SLC16A2: variants seen among roughly 807,000 people sequenced by gnomAD.
SLC16A2 encodes solute carrier family 16 member 2.
In SLC16A2, 3 loss-of-function variants were observed where a neutral mutation model predicts 27.2. That is an observed-to-expected ratio of 0.11 (90% CI 0.05 to 0.28). The LOEUF is 0.28. Ranked by LOEUF, SLC16A2 falls within the 10% of genes least tolerant of loss-of-function variation. The pLI is 1.00. For synonymous variants in SLC16A2, 202 were observed against 187.8 expected (o/e 1.08, Z -0.62); for missense variants, 295 against 458.5 (o/e 0.64, Z 3.26).
chrX:74,457,237 G>A (rs1465627352), intron 1 of SLC16A2, among the ~76,000 whole-genome samples: 1 of 111,580 alleles, frequency 9.0e-6, no homozygotes, highest in Non-Finnish European at 1.9e-5. Flanking sequence ...GTGCAGGTTT[G>A]TTACATATGT....
rs1297616224 is a variant in SLC16A2 at position 74,532,529 on chromosome X, G to A, written c.*976G>A. On this transcript the variant is annotated 3_prime_UTR_variant, in exon 6 of 6. Transcript: ENST00000587091. The stretch of plus-strand genomic sequence containing the variant: ...GAAGAAACTCCTTTCATCTCAGCAG[G>A]TAGAGGAGGACTGATGACACGAGCT... 9.0e-6 allele frequency: 1 copy of A among 111,608 alleles called. No homozygotes were observed. Among genetic ancestry groups the A allele is most frequent in the African/African-American group, 3.3e-5 (1 of 30,398 alleles). 9.2% of individuals were successfully genotyped at this position (111,608 alleles called of 1,213,427 possible).
intron 1 of SLC16A2, among the ~76,000 whole-genome samples, chrX:74,478,927 C>A (rs980318184): frequency 9.0e-6 from 1 of 111,370 alleles, no homozygotes; most frequent in Non-Finnish European, 1.9e-5. Context: ...TTTTTTCCTT[C>A]ATTTCAACTT....
intron 1 of SLC16A2, among the ~76,000 whole-genome samples, chrX:74,450,221 C>T (rs1051837140): frequency 2.1e-4 from 24 of 112,602 alleles, no homozygotes; most frequent in Non-Finnish European, 4.3e-4. Context: ...CAGGGCCTAG[C>T]ACAAGGGCTG....
intron 1 of SLC16A2, among the ~76,000 whole-genome samples, chrX:74,464,819 G>C (rs1303489754): frequency 9.0e-6 from 1 of 111,298 alleles, no homozygotes; most frequent in Admixed American, 9.6e-5. Flanking sequence ...AGGAATTTGA[G>C]ACCAGTGTGG....
intron 1 of SLC16A2, among the ~76,000 whole-genome samples, chrX:74,493,850 G>A (rs1179307374): frequency 1.8e-5 from 2 of 111,403 alleles, no homozygotes; most frequent in African/African-American, 3.3e-5. Context: ...AGTAAACCAC[G>A]GAAAGTGGGG....
Position 74,525,780 on chromosome X carries a change from A to G in SLC16A2, c.1057A>G (p.Ile353Val). ...MKYVEEEFSE[I>V]KETWVLLVCI... ...GTATGTGGAGGAGGAGTTCTCAGAAATCAAGGAGACCTGGGTGCTCTTGGT... is the reference window on the plus strand; with the variant it reads ...GTATGTGGAGGAGGAGTTCTCAGAAGTCAAGGAGACCTGGGTGCTCTTGGT... The change falls in exon 4 of 6, where the codon ATC becomes GTC. Residue 353 changes from isoleucine (I) to valine (V), a missense_variant. Coordinates refer to ENST00000587091, the MANE Select transcript of SLC16A2 (RefSeq NM_006517.5). 8.3e-7 allele frequency: 1 copy of G among 1,211,546 alleles called. No homozygotes were observed. The highest frequency in any genetic ancestry group is 1.1e-6 in the Non-Finnish European group (1 of 895,381).
rs145500980 is a variant in SLC16A2 at position 74,516,802 on chromosome X, T to C, written c.431-4188T>C. Among the ~76,000 whole-genome samples the C allele has an allele frequency of 1.4e-4, 16 of 111,429 alleles. No homozygotes were observed. The East Asian group carries it at 3.7e-3, about 25-fold the overall frequency. ...TTACATCAAATGTAAACGATCTAAATATATCAGTTCAAAGACAGAGATTGG... is the reference window on the plus strand; with the variant it reads ...TTACATCAAATGTAAACGATCTAAACATATCAGTTCAAAGACAGAGATTGG... On this transcript the variant is annotated intron_variant, in intron 1 of 5. Coordinates refer to ENST00000587091, the MANE Select transcript of SLC16A2 (RefSeq NM_006517.5).
chrX:74,484,512 G>A (rs1420635085), intron 1 of SLC16A2, among the ~76,000 whole-genome samples: 2 of 111,452 alleles, frequency 1.8e-5, no homozygotes, highest in African/African-American at 3.3e-5. Flanking sequence ...GTTGTAAAAT[G>A]TTTCTTATCG....
chrX:74,495,810 G>A (rs1159932435), intron 1 of SLC16A2, among the ~76,000 whole-genome samples: 1 of 111,069 alleles, frequency 9.0e-6, no homozygotes, highest in African/African-American at 3.3e-5. Context: ...TCCTCTGGCC[G>A]AGGCCCTTGT....
chrX:74,473,132 T>A (rs1163439596), intron 1 of SLC16A2: 9 of 580,960 alleles, frequency 1.5e-5, no homozygotes, highest in African/African-American at 4.4e-5. Context: ...AGCTTCTGAC[T>A]CCAAAGTTTC....
chrX:74,452,092 G>T (rs1317642161), intron 1 of SLC16A2, among the ~76,000 whole-genome samples: 1 of 112,636 alleles, frequency 8.9e-6, no homozygotes, highest in Non-Finnish European at 1.9e-5. Flanking sequence ...ATAGGGAAAT[G>T]ATGATAATAG....
At chrX:74,520,309 A>C (rs1386929242) in intron 1 of SLC16A2, among the ~76,000 whole-genome samples, 2 of 112,381 alleles carry the variant, frequency 1.8e-5, no homozygotes, top group Non-Finnish European at 3.8e-5. Context: ...GACGAAATAA[A>C]AAAAAAAGCT....
chrX:74,430,137 T>C (rs1928508359), intron 1 of SLC16A2, among the ~76,000 whole-genome samples: 1 of 112,739 alleles, frequency 8.9e-6, no homozygotes, highest in Admixed American at 9.4e-5. Context: ...CGAGGCACTA[T>C]ACTAAGCACT....
chrX:74,495,432 C>G (rs1929915917), intron 1 of SLC16A2, among the ~76,000 whole-genome samples: 1 of 108,120 alleles, frequency 9.2e-6, no homozygotes, highest in South Asian at 4.2e-4. Context: ...ACAAGAAGTT[C>G]TCATCTGTAC....
rs193038622 is a variant in SLC16A2, at chrX:74,442,694, C to T, written c.430+20627C>T. Among the ~76,000 whole-genome samples the T allele has an allele frequency of 4.6e-3, 519 of 112,257 alleles. 2 individuals carry two copies. Among genetic ancestry groups the T allele is most frequent in the African/African-American group, 0.014 (433 of 30,955 alleles). ...CAAGAGGTCCAGGCGCAGTGGCTCACGCCTGTAATCCCAGCACTTTGGGAG... is the reference window on the plus strand; with the variant it reads ...CAAGAGGTCCAGGCGCAGTGGCTCATGCCTGTAATCCCAGCACTTTGGGAG... On this transcript the variant is annotated intron_variant, in intron 1 of 5. Coordinates refer to ENST00000587091, the MANE Select transcript of SLC16A2 (RefSeq NM_006517.5).
intron 1 of SLC16A2, among the ~76,000 whole-genome samples, chrX:74,474,770 G>A (rs1448109463): frequency 1.8e-5 from 2 of 110,378 alleles, no homozygotes; most frequent in East Asian, 2.8e-4. Flanking sequence ...GAGAATGATG[G>A]TTTTCAGCTT....
rs777840527 is a variant in SLC16A2 at position 74,521,091 on chromosome X, G to T, written c.532G>T (p.Ala178Ser). 1 of 1,210,257 alleles carries T rather than the reference G, an allele frequency of 8.3e-7. No homozygotes were observed. Among genetic ancestry groups the T allele is most frequent in the African/African-American group, 1.7e-5 (1 of 57,258 alleles). The change falls in exon 2 of 6, where the codon GCT (alanine) becomes TCT (serine). Residue 178 changes from alanine (A) to serine (S), a missense_variant. Transcript: ENST00000587091. ...LGCRITATAG[A>S]AVAFIGLHTS... ...CTGCCGAATCACAGCAACCGCGGGGGCTGCCGTTGCTTTCATTGGCCTCCA... is the reference window on the plus strand; with the variant it reads ...CTGCCGAATCACAGCAACCGCGGGGTCTGCCGTTGCTTTCATTGGCCTCCA...
chrX:74,454,105 C>T (rs1023541176), intron 1 of SLC16A2, among the ~76,000 whole-genome samples: 2 of 111,265 alleles, frequency 1.8e-5, no homozygotes, highest in East Asian at 2.8e-4. Context: ...TTCCTGTACT[C>T]GAGACATAAT....
intron 1 of SLC16A2, among the ~76,000 whole-genome samples, chrX:74,509,813 C>CA (rs1262984844): frequency 8.9e-6 from 1 of 112,422 alleles, no homozygotes; most frequent in Non-Finnish European, 1.9e-5. Flanking sequence ...GTGATCCACC[C>CA]ACCTCGACCA....
Sources: allele counts gnomAD v4.1 joint callset (sites outside exome capture counted in the v4.1 genomes callset), GRCh38; gene constraint gnomAD v4.1.1; transcripts MANE v1.5; gene names NCBI Gene and HGNC (gene_info 2026-07-23, HGNC 2026-07-21).